Variants in GNA14 observed in about 807,000 individuals in gnomAD.
The protein encoded by GNA14 is G protein subunit alpha 14, also known as guanine nucleotide-binding protein subunit alpha-14.
In GNA14, 50 loss-of-function variants were observed where a neutral mutation model predicts 42.0. The ratio of observed to expected loss-of-function variants is 1.19; its 90% confidence interval spans 0.95 to 1.51. The LOEUF (loss-of-function observed/expected upper bound fraction) is 1.51. Ranked by LOEUF, GNA14 falls within the 40% of genes most tolerant of loss-of-function variation. The probability of loss-of-function intolerance (pLI) is 0.00; values close to 1 mark genes in which losing one functional copy is unlikely to be tolerated. For missense variants in GNA14, 473 were observed against 446.2 expected, an observed-to-expected ratio of 1.06 and a Z score of -0.54; for synonymous variants, 173 against 163.1, an observed-to-expected ratio of 1.06 and a Z score of -0.46.
chr9:77,454,473 C>T (rs1471523758), intron 2 of GNA14, among the ~76,000 whole-genome samples: 1 of 152,126 alleles, frequency 6.6e-6, no homozygotes, highest in Non-Finnish European at 1.5e-5. Context: ...GCCACTCAGA[C>T]TTTGCTGAGC....
intron 2 of GNA14, among the ~76,000 whole-genome samples, chr9:77,471,884 T>C (rs1041563942): frequency 6.6e-6 from 1 of 152,200 alleles, no homozygotes; most frequent in African/African-American, 2.4e-5. Flanking sequence ...AACATTATTA[T>C]GAGCAGGTAT....
intron 1 of GNA14, among the ~76,000 whole-genome samples, chr9:77,620,326 C>T (rs1382498292): frequency 1.3e-5 from 2 of 152,128 alleles, no homozygotes; most frequent in Non-Finnish European, 2.9e-5. Context: ...AGATTTCTGG[C>T]AACTCATCCA....
chr9:77,602,432 C>A (rs1040917052), intron 1 of GNA14, among the ~76,000 whole-genome samples: 1 of 152,170 alleles, frequency 6.6e-6, no homozygotes, highest in Admixed American at 6.5e-5. Flanking sequence ...AAAACAGAAT[C>A]CTACAATTAT....
intron 2 of GNA14, among the ~76,000 whole-genome samples, chr9:77,441,702 A>C (rs1300872875): frequency 6.6e-6 from 1 of 152,142 alleles, no homozygotes; most frequent in East Asian, 1.9e-4. Flanking sequence ...AATCAGTGAG[A>C]TTAAGATAAA....
At chr9:77,535,416 C>T (rs1837582815) in intron 1 of GNA14, among the ~76,000 whole-genome samples, 1 of 151,994 alleles carries the variant, frequency 6.6e-6, no homozygotes, top group South Asian at 2.1e-4. Flanking sequence ...TGGTGGCGGG[C>T]GCCTGTAGTC....
intron 1 of GNA14, among the ~76,000 whole-genome samples, chr9:77,597,798 C>T (rs371026643): frequency 3.3e-5 from 5 of 151,954 alleles, no homozygotes; most frequent in Non-Finnish European, 4.4e-5. Flanking sequence ...TGGTGGCTAA[C>T]GCCTATAATC....
chr9:77,590,109 G>T (rs1389337414), intron 1 of GNA14, among the ~76,000 whole-genome samples: 1 of 152,112 alleles, frequency 6.6e-6, no homozygotes, highest in African/African-American at 2.4e-5. Flanking sequence ...TAGAGATGGG[G>T]TATCAACCAC....
At chr9:77,472,385 C>T (rs1253377317) in intron 2 of GNA14, among the ~76,000 whole-genome samples, 1 of 152,032 alleles carries the variant, frequency 6.6e-6, no homozygotes, top group Non-Finnish European at 1.5e-5. Context: ...TTTCTGAGCC[C>T]TCATCTTCCA....
chr9:77,567,395 A>C (rs1397950143), intron 1 of GNA14, among the ~76,000 whole-genome samples: 1 of 152,216 alleles, frequency 6.6e-6, no homozygotes. Context: ...TGAACTTCCA[A>C]TAAAGAACTA....
chr9:77,612,053 G>A (rs990804527), intron 1 of GNA14, among the ~76,000 whole-genome samples: 1 of 152,060 alleles, frequency 6.6e-6, no homozygotes, highest in Non-Finnish European at 1.5e-5. Context: ...TGATAAAATA[G>A]TTATTATTGA....
chr9:77,494,605 T>G (rs1234165255), intron 2 of GNA14, among the ~76,000 whole-genome samples: 1 of 152,214 alleles, frequency 6.6e-6, no homozygotes, highest in Admixed American at 6.5e-5. Context: ...CCATTTTATA[T>G]TTAACATTTA....
chr9:77,487,604 A>G (rs1347863153), intron 2 of GNA14, among the ~76,000 whole-genome samples: 2 of 152,228 alleles, frequency 1.3e-5, no homozygotes, highest in African/African-American at 4.8e-5. Flanking sequence ...TGTTTTAGTT[A>G]TACTGAAAAC....
At chr9:77,590,324 G>A (rs1462492357) in intron 1 of GNA14, among the ~76,000 whole-genome samples, 1 of 152,326 alleles carries the variant, frequency 6.6e-6, no homozygotes, top group Non-Finnish European at 1.5e-5. Flanking sequence ...CTAGGGCTTT[G>A]CACTGAAGGG....
intron 1 of GNA14, among the ~76,000 whole-genome samples, chr9:77,625,945 T>C (rs1418141278): frequency 6.6e-6 from 1 of 151,890 alleles, no homozygotes; most frequent in Non-Finnish European, 1.5e-5. Flanking sequence ...ACTGACCAAT[T>C]GGATAAAGAG....
At chr9:77,493,018 A>ATAT (rs1322242402) in intron 2 of GNA14, among the ~76,000 whole-genome samples, 582 of 88,658 alleles carry the variant, frequency 6.6e-3, no homozygotes, top group Non-Finnish European at 8.1e-3. Context: ...AAAAAAAAAA[A>ATAT]AAAAAAAAAT....
At chr9:77,522,639 C>T (rs575481807) in intron 2 of GNA14, among the ~76,000 whole-genome samples, 3 of 152,164 alleles carry the variant, frequency 2.0e-5, no homozygotes, top group Admixed American at 1.3e-4. Context: ...GGTTCTCGAC[C>T]CTGGCTGCCC....
At chr9:77,509,390 G>T (rs1055964936) in intron 2 of GNA14, among the ~76,000 whole-genome samples, 1 of 152,200 alleles carries the variant, frequency 6.6e-6, no homozygotes, top group Non-Finnish European at 1.5e-5. Flanking sequence ...TGGCTATTGT[G>T]AATAATGTTG....
chr9:77,565,394 A>G (rs910203937), intron 1 of GNA14, among the ~76,000 whole-genome samples: 2 of 151,296 alleles, frequency 1.3e-5, no homozygotes, highest in African/African-American at 2.5e-5. Flanking sequence ...AAGCAATAAT[A>G]TGTTTCATAT....
At chr9:77,475,073 C>T (rs1167798409) in intron 2 of GNA14, among the ~76,000 whole-genome samples, 1 of 147,794 alleles carries the variant, frequency 6.8e-6, no homozygotes, top group East Asian at 1.9e-4. Flanking sequence ...TGATCCACAC[C>T]CAAGTTGGCT....
Sources: gnomAD v4.1 joint callset for allele counts (sites outside exome capture counted in the v4.1 genomes callset) on GRCh38, gnomAD v4.1.1 for gene constraint, MANE v1.5 for transcripts, NCBI Gene and HGNC (gene_info 2026-07-23, HGNC 2026-07-21) for gene names.